Variants in KIF22 observed in about 807,000 individuals in gnomAD.
KIF22 encodes kinesin family member 22.
A neutral mutation model predicts 73.0 loss-of-function variants in KIF22; 62 were observed. That is an observed-to-expected ratio of 0.85 (90% CI 0.69 to 1.05). The LOEUF (loss-of-function observed/expected upper bound fraction) is 1.05. KIF22 is among the 50% of genes least tolerant of loss of function. The probability of loss-of-function intolerance (pLI) is 0.00; values close to 1 mark genes in which losing one functional copy is unlikely to be tolerated. For missense variants in KIF22, 854 were observed against 870.1 expected (o/e 0.98, Z 0.23); for synonymous variants, 411 against 340.1 (o/e 1.21, Z -2.29).
chr16:29,795,853 C>T (rs896139544), intron 1 of KIF22, among the ~76,000 whole-genome samples: 2 of 152,068 alleles, frequency 1.3e-5, no homozygotes, highest in East Asian at 1.9e-4. Flanking sequence ...AATTGCATGT[C>T]GGTGGTTTTT....
chr16:29,796,928 A>G lies in KIF22; in HGVS notation c.106A>G (p.Thr36Ala). The G allele has an allele frequency of 6.2e-7, 1 of 1,613,942 alleles. No individual in the cohort carries two copies. The highest frequency in any genetic ancestry group is 8.5e-7 in the Non-Finnish European group (1 of 1,179,954). The change falls in exon 2 of 14, where the codon ACT (threonine) becomes GCT (alanine). Residue 36 changes from threonine to alanine, a missense_variant. By Grantham distance (58) the Thr-to-Ala change is moderately conservative (BLOSUM62 0). Transcript: ENST00000160827. ...GRCRLSKIGA[T>A]RRPPPARVRV... Reference sequence around the variant, plus strand: ...CTGTCGGCTAAGCAAGATTGGAGCTACTCGTCGTCCACCTCCAGCTCGCGT... The same window carrying G: ...CTGTCGGCTAAGCAAGATTGGAGCTGCTCGTCGTCCACCTCCAGCTCGCGT...
chr16:29,794,458 A>G (rs1434594217), intron 1 of KIF22, among the ~76,000 whole-genome samples: 1 of 152,170 alleles, frequency 6.6e-6, no homozygotes, highest in Non-Finnish European at 1.5e-5. Flanking sequence ...TAATTTCCCT[A>G]GGTTACTTAG....
At chr16:29,795,099 A>G (rs964103464) in intron 1 of KIF22, among the ~76,000 whole-genome samples, 4 of 152,302 alleles carry the variant, frequency 2.6e-5, no homozygotes, top group South Asian at 2.1e-4. Context: ...CTCCCAAAAC[A>G]TCCTGTGAAA....
intron 10 of KIF22, 128 bp downstream of exon 10, chr16:29,803,736 G>A (rs941926743): frequency 3.3e-5 from 27 of 828,582 alleles, no homozygotes; most frequent in Non-Finnish European, 4.9e-5. Flanking sequence ...GAGGGGTGAG[G>A]AGGCTCTGAG....
intron 1 of KIF22, among the ~76,000 whole-genome samples, chr16:29,795,615 A>G (rs1898929703): frequency 6.6e-6 from 1 of 152,204 alleles, no homozygotes; most frequent in Admixed American, 6.5e-5. Flanking sequence ...GAATTCCACT[A>G]TGAGCTACAG....
intron 11 of KIF22, 100 bp downstream of exon 11, chr16:29,804,165 A>C (rs963341674): frequency 1.2e-5 from 11 of 921,952 alleles, no homozygotes; most frequent in Admixed American, 7.1e-5. Flanking sequence ...AACGAACTGG[A>C]TGATGGCCGC....
chr16:29,796,896 C>G lies in KIF22; in HGVS notation c.74C>G (p.Ala25Gly), dbSNP rs748106467. ...AAAGTGATCTTCTCTCCTCCAGGAG[C>G]TGGTCGCTGTCGGCTAAGCAAGATT... ...AAASAAAISG[A>G]GRCRLSKIGA... The change falls in exon 2 of 14, where the codon GCT (alanine) becomes GGT (glycine). Residue 25 changes from alanine (A) to glycine (G), a missense_variant. Ala to Gly is a moderately conservative substitution (Grantham distance 60). Transcript: ENST00000160827. The G allele has an allele frequency of 8.1e-6, 13 of 1,614,056 alleles. No homozygotes were observed. The South Asian group carries it at 1.4e-4, about 18-fold the overall frequency.
intron 8 of KIF22, 81 bp downstream of exon 8, chr16:29,800,129 G>A: frequency 6.9e-7 from 1 of 1,458,512 alleles, no homozygotes. Flanking sequence ...AGATCCTTGA[G>A]CAGAGAGCTG....
chr16:29,802,064 CA>C (rs1899154734), intron 8 of KIF22, among the ~76,000 whole-genome samples: 1 of 151,884 alleles, frequency 6.6e-6, no homozygotes, highest in East Asian at 1.9e-4. Flanking sequence ...CCCAGGAGTT[CA>C]AGACCAGCCT....
chr16:29,803,213 G>A (rs906793695), intron 9 of KIF22, among the ~76,000 whole-genome samples: 1 of 152,190 alleles, frequency 6.6e-6, no homozygotes, highest in African/African-American at 2.4e-5. Flanking sequence ...TGAGGACTGT[G>A]CTTGAAAAGC....
rs1899271357 is a variant in KIF22, at chr16:29,804,431, G to A, written c.1677+366G>A. ...ACTAGAACTACCCAAAAACTGAGAT[G>A]GTTGGGGGAGGTATCATTTATTCAT... On this transcript the variant is annotated intron_variant, in intron 11 of 13. Coordinates refer to ENST00000160827, the MANE Select transcript of KIF22 (RefSeq NM_007317.3). The A allele has an allele frequency of 4.8e-6, 3 of 623,062 alleles. No individual in the cohort carries two copies. The East Asian group carries it at 8.6e-5, about 18-fold the overall frequency. 38.6% of individuals were successfully genotyped at this position (623,062 alleles called of 1,614,324 possible). A position where few individuals can be genotyped will look rare whatever the true frequency, so the allele number is the denominator to read the frequency against.
chr16:29,800,038 C>A lies in KIF22; in HGVS notation c.1270C>A (p.Gln424Lys). ...CATGGCAGCTCCAGCCTCTGCCTCC[C>A]AGAAACTCAGGTGAGCAGTGGGGCC... ...EPMAAPASAS[Q>K]KLSPLQKLSS... is the part of the protein sequence containing the mutation. Residue 424 changes from glutamine to lysine, a missense_variant, in exon 8 of 14, where the codon CAG becomes AAG. Transcript: ENST00000160827. 6.2e-7 allele frequency: 1 copy of A among 1,611,730 alleles called. No individual in the cohort carries two copies. Among genetic ancestry groups the A allele is most frequent in the Non-Finnish European group, 8.5e-7 (1 of 1,179,774 alleles).
At chr16:29,793,168 C>T (rs1898861013) in intron 1 of KIF22, among the ~76,000 whole-genome samples, 2 of 152,258 alleles carry the variant, frequency 1.3e-5, no homozygotes, top group South Asian at 4.1e-4. Flanking sequence ...GAGGAGCCGT[C>T]GGCTGGGCTC....
rs757612465 is a variant in KIF22 at position 29,799,963 on chromosome 16, G to T, written c.1195G>T (p.Ala399Ser). ...SQKELLGPPE[A>S]KRARGPEEEE... ...GAAAGAATTGCTTGGTCCACCAGAG[G>T]CAAAGAGAGCCCGAGGCCCTGAGGA... Residue 399 changes from alanine (A) to serine (S), a missense_variant, in exon 8 of 14, where the codon GCA becomes TCA. Physicochemically the swap from Ala to Ser is moderately conservative, Grantham distance 99 (BLOSUM62 1). Coordinates refer to ENST00000160827, the MANE Select transcript of KIF22 (RefSeq NM_007317.3). 1.2e-6 allele frequency: 2 copies of T among 1,614,036 alleles called. No homozygotes were observed. The highest frequency in any genetic ancestry group is 1.7e-5 in the Admixed American group (1 of 60,002).
At position 29,805,164 on chromosome 16, in the gene KIF22, C is replaced by A; in HGVS notation, c.1940C>A (p.Ser647Tyr). 1 of 1,614,068 alleles carries A rather than the reference C, an allele frequency of 6.2e-7. No homozygotes were observed. Among genetic ancestry groups the A allele is most frequent in the Non-Finnish European group, 8.5e-7 (1 of 1,180,010 alleles). ...VEGITGKQMESFLKANILGLA... is the reference protein window; with the variant it reads ...VEGITGKQMEYFLKANILGLA... ...GGCATAACGGGGAAACAGATGGAGT[C>A]CTTCCTGAAGGTGAAGTCACGGCCC... The change falls in exon 13 of 14, where the codon TCC becomes TAC. Residue 647 changes from serine to tyrosine, a missense_variant. Physicochemically the swap from Ser to Tyr is moderately radical, Grantham distance 144. Around this residue, in one of 3 missense-constraint regions of KIF22, gnomAD observed 423 missense variants for 365.4 expected, o/e 1.16. Transcript: ENST00000160827.
Position 29,803,559 on chromosome 16 carries a change from C to T in KIF22, c.1560C>T (p.Val520=), listed in dbSNP as rs570830239. 1 of 1,613,630 alleles carries T rather than the reference C, an allele frequency of 6.2e-7. No homozygotes were observed. Among genetic ancestry groups the T allele is most frequent in the Middle Eastern group, 1.7e-4 (1 of 6,054 alleles). The part of the protein sequence containing the change: ...TMLRPLSHRT[V]TGAKPLKKAV... ...TCCGGCCCCTTTCACATCGCACAGT[C>T]ACAGGGGCAAAGCCCCTGAAAAAGG... Residue 520 remains valine, a synonymous_variant, in exon 10 of 14, where the codon GTC becomes GTT. Transcript: ENST00000160827.
Position 29,799,025 on chromosome 16 carries a change from C to G in KIF22, c.600C>G (p.Asp200Glu). 1 of 1,614,210 alleles carries G rather than the reference C, an allele frequency of 6.2e-7. No homozygotes were observed. Among genetic ancestry groups the G allele is most frequent in the Non-Finnish European group, 8.5e-7 (1 of 1,180,034 alleles). The change falls in exon 5 of 14, where the codon GAC (aspartate) becomes GAG (glutamate). Residue 200 changes from aspartate (D) to glutamate (E), a missense_variant. Around this residue, in one of 3 missense-constraint regions of KIF22, gnomAD observed 245 missense variants for 351.8 expected, o/e 0.70. Transcript: ENST00000160827. Reference sequence around the variant, plus strand: ...CGGGAGACCTGGTAATCCGAGAAGACTGCCGGGGGAATATCCTGATTCCGG... The same window carrying G: ...CGGGAGACCTGGTAATCCGAGAAGAGTGCCGGGGGAATATCCTGATTCCGG... ...PASGDLVIRE[D>E]CRGNILIPGL... is the part of the protein sequence containing the mutation.
At chr16:29,801,065 T>C (rs1596851698) in intron 8 of KIF22, among the ~76,000 whole-genome samples, 1 of 152,154 alleles carries the variant, frequency 6.6e-6, no homozygotes, top group Non-Finnish European at 1.5e-5. Context: ...GACCATCTGG[T>C]CTGTGTGTCA....
chr16:29,794,377 T>C (rs1181002810), intron 1 of KIF22, among the ~76,000 whole-genome samples: 1 of 152,154 alleles, frequency 6.6e-6, no homozygotes, highest in African/African-American at 2.4e-5. Flanking sequence ...ATTACTCTCC[T>C]AACAACCTAA....
Sources: allele counts gnomAD v4.1 joint callset (sites outside exome capture counted in the v4.1 genomes callset), GRCh38; gene constraint gnomAD v4.1.1; regional missense constraint gnomAD v4.1.1; transcripts MANE v1.5; gene names NCBI Gene and HGNC (gene_info 2026-07-23, HGNC 2026-07-21).